CFAP20DC: variants seen among roughly 807,000 people sequenced by gnomAD.
The protein encoded by CFAP20DC is CFAP20 domain containing, also known as protein CFAP20DC.
Under a neutral mutation model 101.7 loss-of-function variants are expected in CFAP20DC, and 84 were observed. The ratio of observed to expected loss-of-function variants is 0.83; its 90% CI spans 0.69 to 0.99. The LOEUF (loss-of-function observed/expected upper bound fraction) is 0.99, where lower values mean the gene tolerates loss of function less well. Among genes scored for constraint, CFAP20DC ranks in the 50% least tolerant of loss-of-function variants. The pLI, the probability that CFAP20DC is intolerant of heterozygous loss-of-function variation, is 0.00. For synonymous variants in CFAP20DC, 359 were observed against 351.2 expected (o/e 1.02, Z -0.25); for missense variants, 1,007 against 970.3 (o/e 1.04, Z -0.50).
rs34030341 is a variant in CFAP20DC at position 58,971,864 on chromosome 3, T to TACACACACACAC, written c.279-34114_279-34103dup. On this transcript the variant is annotated intron_variant, in intron 4 of 16. Coordinates refer to ENST00000482387, the MANE Select transcript of CFAP20DC (RefSeq NM_001394063.1). The surrounding 1 kb of genome is among the most constrained non-coding windows in gnomAD (Gnocchi z 4.1). ...CTGTAATATCATACACACGCACACA[T>TACACACACACAC]ACACACACACACACACACACACACA... Among the ~76,000 whole-genome samples the TACACACACACAC allele has an allele frequency of 3.1e-4, 44 of 142,472 alleles. No homozygotes were observed. Among genetic ancestry groups the TACACACACACAC allele is most frequent in the African/African-American group, 1.1e-3 (42 of 39,478 alleles). The allele number at this position is 142,472 out of a possible 152,430, so 93.5% of individuals were successfully genotyped here.
rs199830575 is a variant in CFAP20DC at position 58,724,511 on chromosome 3, C to T, written c.198-6883G>A. The stretch of plus-strand genomic sequence containing the variant: ...AGACGTGTGGGCTCCTATTTAAGCC[C>T]GCTCCCACTAGCTACTCTCCGATAA... On this transcript the variant is annotated intron_variant, in intron 3 of 3. Coordinates refer to the CFAP20DC transcript ENST00000486145. The surrounding 1 kb of genome is among the most constrained non-coding windows in gnomAD (Gnocchi z 5.6). Among the ~76,000 whole-genome samples, 9 of 152,178 alleles carry T rather than the reference C, an allele frequency of 5.9e-5. No individual in the cohort carries two copies. The East Asian group carries it at 1.4e-3, about 23-fold the overall frequency.
At chr3:58,734,997 G>GA (rs1208738127) in intron 3 of CFAP20DC, among the ~76,000 whole-genome samples, 1 of 152,060 alleles carries the variant, frequency 6.6e-6, no homozygotes, top group Non-Finnish European at 1.5e-5. Flanking sequence ...CTTTATGTGG[G>GA]AAAAAAGAGA....
At chr3:58,824,917 T>G (rs1337930772) in intron 14 of CFAP20DC, among the ~76,000 whole-genome samples, 1 of 151,878 alleles carries the variant, frequency 6.6e-6, no homozygotes, top group Non-Finnish European at 1.5e-5. Flanking sequence ...TGCCTTAGCC[T>G]CCCAATTAGC....
chr3:59,037,826 C>T (rs1480126721), intron 4 of CFAP20DC, among the ~76,000 whole-genome samples: 2 of 152,124 alleles, frequency 1.3e-5, no homozygotes, highest in Non-Finnish European at 2.9e-5. Flanking sequence ...CACATGCACA[C>T]GTATGTTTAT....
chr3:58,807,811 T>G (rs1343630764), intron 14 of CFAP20DC, among the ~76,000 whole-genome samples: 1 of 152,036 alleles, frequency 6.6e-6, no homozygotes, highest in Admixed American at 6.6e-5. Context: ...AGTTAAAAAC[T>G]TTGAAAAAAA....
At chr3:59,016,934 A>G (rs2093701307) in intron 4 of CFAP20DC, among the ~76,000 whole-genome samples, 1 of 152,128 alleles carries the variant, frequency 6.6e-6, no homozygotes, top group African/African-American at 2.4e-5. Context: ...AGAGAAACAC[A>G]GGCTAATGAT....
At chr3:59,039,534 C>T (rs764834164) in intron 4 of CFAP20DC, 23 bp downstream of exon 4, 138 of 1,391,168 alleles carry the variant, frequency 9.9e-5, no homozygotes, top group Non-Finnish European at 1.3e-4. Flanking sequence ...ACAAAACATT[C>T]AAAGAAGTTC....
chr3:58,770,833 A>G (rs1037293063), intron 15 of CFAP20DC, among the ~76,000 whole-genome samples: 3 of 152,140 alleles, frequency 2.0e-5, no homozygotes, highest in East Asian at 1.9e-4. Context: ...TAAGATAGGG[A>G]CCAGGAAGGT....
intron 15 of CFAP20DC, among the ~76,000 whole-genome samples, chr3:58,781,978 A>G (rs1384757112): frequency 1.3e-5 from 2 of 152,064 alleles, no homozygotes; most frequent in African/African-American, 4.8e-5. Context: ...CAAAGATAAG[A>G]AAACTAGAGG....
At chr3:58,760,179 T>C (rs991898224) in intron 15 of CFAP20DC, among the ~76,000 whole-genome samples, 6 of 152,232 alleles carry the variant, frequency 3.9e-5, no homozygotes, top group Non-Finnish European at 5.9e-5. Flanking sequence ...TGCAATGTTC[T>C]TCTATTTCTT....
chr3:58,761,172 T>C (rs1285571642), intron 15 of CFAP20DC, among the ~76,000 whole-genome samples: 3 of 152,202 alleles, frequency 2.0e-5, no homozygotes, highest in African/African-American at 7.2e-5. Context: ...TTCTGGACTT[T>C]TTTTGGTTGG....
At chr3:58,804,249 A>G (rs2073902049) in intron 15 of CFAP20DC, among the ~76,000 whole-genome samples, 1 of 152,090 alleles carries the variant, frequency 6.6e-6, no homozygotes, top group South Asian at 2.1e-4. Context: ...ATTATATACT[A>G]TGTTATAGAA....
chr3:58,806,478 T>C, intron 14 of CFAP20DC, 22 bp from the exon 15 acceptor site: 1 of 1,578,860 alleles, frequency 6.3e-7, no homozygotes, highest in East Asian at 2.2e-5. Flanking sequence ...AAAACATTTG[T>C]GAATGTTTAA....
At chr3:58,769,931 T>G (rs2070689657) in intron 15 of CFAP20DC, among the ~76,000 whole-genome samples, 1 of 152,174 alleles carries the variant, frequency 6.6e-6, no homozygotes, top group African/African-American at 2.4e-5. Context: ...ATTAGATAAA[T>G]CCACAAAACA....
intron 13 of CFAP20DC, among the ~76,000 whole-genome samples, chr3:58,842,583 G>C (rs1015608464): frequency 6.6e-6 from 1 of 151,944 alleles, no homozygotes; most frequent in Admixed American, 6.6e-5. Context: ...CAGCGAGCTG[G>C]GGGAGGGGCG....
intron 15 of CFAP20DC, among the ~76,000 whole-genome samples, chr3:58,793,695 G>A (rs989325946): frequency 6.6e-6 from 1 of 152,152 alleles, no homozygotes; most frequent in Non-Finnish European, 1.5e-5. Flanking sequence ...TCTTTTGGTA[G>A]TTTAGAGATG....
rs549796243 is a variant in CFAP20DC at position 58,998,368 on chromosome 3, G to A, written c.278+41189C>T. Among the ~76,000 whole-genome samples, 63 of 152,234 alleles carry A rather than the reference G, an allele frequency of 4.1e-4. 1 individual carries two copies. Among genetic ancestry groups the A allele is most frequent in the African/African-American group, 1.4e-3 (57 of 41,542 alleles). On this transcript the variant is annotated intron_variant, in intron 4 of 16. Coordinates refer to ENST00000482387, the MANE Select transcript of CFAP20DC (RefSeq NM_001394063.1). ...ATCCTCTGTAAGCCTAAGTTTACTCGTTTGTAAATGGGTGATAACAATATC... is the reference window on the plus strand; with the variant it reads ...ATCCTCTGTAAGCCTAAGTTTACTCATTTGTAAATGGGTGATAACAATATC...
intron 4 of CFAP20DC, among the ~76,000 whole-genome samples, chr3:58,965,260 T>C (rs1176500998): frequency 2.0e-5 from 3 of 152,198 alleles, no homozygotes; most frequent in Admixed American, 1.3e-4. Context: ...ACCTAGATTT[T>C]ACCACTCTAA....
At chr3:58,787,255 T>C (rs950144719) in intron 15 of CFAP20DC, among the ~76,000 whole-genome samples, 2 of 144,682 alleles carry the variant, frequency 1.4e-5, no homozygotes, top group Non-Finnish European at 3.0e-5. Context: ...AACCAAACAC[T>C]GCATATTCTC....
Sources: allele counts gnomAD v4.1 joint callset (sites outside exome capture counted in the v4.1 genomes callset), GRCh38; gene constraint gnomAD v4.1.1; non-coding constraint Gnocchi (gnomAD v3.1); transcripts MANE v1.5; gene names NCBI Gene and HGNC (gene_info 2026-07-23, HGNC 2026-07-21).